SLC12A6: variants seen among roughly 807,000 people sequenced by gnomAD.
The protein encoded by SLC12A6 is solute carrier family 12 member 6, also known as K-Cl cotransporter 3.
Under a neutral mutation model 135.3 loss-of-function variants are expected in SLC12A6, and 66 were observed. The ratio of observed to expected loss-of-function variants is 0.49; its 90% CI spans 0.40 to 0.60. SLC12A6 has a LOEUF of 0.60. SLC12A6 is among the 20% of genes least tolerant of loss of function. The pLI is 0.00. For missense variants in SLC12A6, 1,058 were observed against 1,452.3 expected, an observed-to-expected ratio of 0.73 and a Z score of 4.41; for synonymous variants, 513 against 508.8, an observed-to-expected ratio of 1.01 and a Z score of -0.11.
chr15:34,254,461 G>A lies in SLC12A6; in HGVS notation c.1005C>T (p.Ile335=), dbSNP rs35855196. The A allele has an allele frequency of 1.5e-5, 25 of 1,613,768 alleles. 1 individual carries two copies. The highest frequency in any genetic ancestry group is 5.3e-5 in the African/African-American group (4 of 75,004). Residue 335 remains isoleucine, a synonymous_variant, in exon 9 of 26, where the codon ATC becomes ATT. Coordinates refer to ENST00000354181, the MANE Select transcript of SLC12A6 (RefSeq NM_001365088.1). ...CAAACTTGTTCACATAGCGTACGCCGATAAATACCACTAATACCATAAGGA... is the reference window on the plus strand; with the variant it reads ...CAAACTTGTTCACATAGCGTACGCCAATAAATACCACTAATACCATAAGGA... ...FLVLMVLVVF[I]GVRYVNKFAS... is the part of the protein sequence containing the mutation.
intron 2 of SLC12A6, among the ~76,000 whole-genome samples, chr15:34,328,015 G>A (rs115387601): frequency 0.015 from 2,265 of 151,912 alleles, 56 homozygotes; most frequent in African/African-American, 0.051. Flanking sequence ...TAGCAATGCC[G>A]TAATAAAACT....
intron 15 of SLC12A6, 93 bp downstream of exon 15, chr15:34,245,192 T>C: frequency 1.2e-6 from 1 of 811,232 alleles, no homozygotes; most frequent in South Asian, 1.4e-5. Flanking sequence ...TTTAGCCCAC[T>C]CTGTTATCAC....
chr15:34,283,395 T>C (rs1305403507), intron 2 of SLC12A6, among the ~76,000 whole-genome samples: 1 of 151,962 alleles, frequency 6.6e-6, no homozygotes, highest in Non-Finnish European at 1.5e-5. Flanking sequence ...TAATTTCAGC[T>C]TATGGTGTTA....
rs1595597824 is a variant in SLC12A6 at position 34,336,621 on chromosome 15, T to C, written c.60A>G (p.Thr20=). Residue 20 remains threonine, a synonymous_variant, in exon 2 of 26, where the codon ACA becomes ACG. Transcript: ENST00000354181. ...MASVRFMVTP[T]KIDDIPGLSD... is the part of the protein sequence containing the mutation. ...ACAAACCTGGAATGTCATCGATCTTTGTCGGTGTCACCATGAACCGAACTG... is the reference window on the plus strand; with the variant it reads ...ACAAACCTGGAATGTCATCGATCTTCGTCGGTGTCACCATGAACCGAACTG... 1.2e-6 allele frequency: 2 copies of C among 1,613,680 alleles called. No homozygotes were observed. Among genetic ancestry groups the C allele is most frequent in the Non-Finnish European group, 1.7e-6 (2 of 1,179,566 alleles).
Position 34,292,922 on chromosome 15 carries a change from G to A in SLC12A6, c.272-17533C>T, listed in dbSNP as rs559508578. Reference sequence around the variant, plus strand: ...CACTCCTCCAAGCACAGTCACTCACGGCTTCCCTTGGCTAGGAAAGGGAAA... The same window carrying A: ...CACTCCTCCAAGCACAGTCACTCACAGCTTCCCTTGGCTAGGAAAGGGAAA... On this transcript the variant is annotated intron_variant, in intron 2 of 25. Transcript: ENST00000354181. Among the ~76,000 whole-genome samples, 353 of 152,258 alleles carry A rather than the reference G, an allele frequency of 2.3e-3. 4 individuals carry two copies. The highest frequency in any genetic ancestry group is 8.0e-3 in the African/African-American group (332 of 41,558).
chr15:34,318,810 G>A (rs1489915748), intron 2 of SLC12A6: 44 of 1,542,304 alleles, frequency 2.9e-5, no homozygotes, highest in Non-Finnish European at 3.7e-5. Flanking sequence ...CTGGGATTCG[G>A]GAAGTACTTT....
intron 5 of SLC12A6, among the ~76,000 whole-genome samples, chr15:34,258,171 A>T (rs2140751307): frequency 6.6e-6 from 1 of 152,374 alleles, no homozygotes; most frequent in South Asian, 2.1e-4. Flanking sequence ...TAAATTCTTC[A>T]CAGTAGTTAG....
intron 22 of SLC12A6, chr15:34,237,215 A>G: frequency 1.9e-6 from 1 of 521,434 alleles, no homozygotes; most frequent in East Asian, 3.5e-5. Flanking sequence ...CAAGAAAGCA[A>G]AACCAAAAAA....
chr15:34,324,399 A>G (rs1388616418), intron 2 of SLC12A6, among the ~76,000 whole-genome samples: 1 of 152,224 alleles, frequency 6.6e-6, no homozygotes, highest in Non-Finnish European at 1.5e-5. Context: ...ATATTAGGCC[A>G]AATCTTACAC....
At chr15:34,274,703 C>G (rs935840471) in intron 3 of SLC12A6, among the ~76,000 whole-genome samples, 5 of 152,130 alleles carry the variant, frequency 3.3e-5, no homozygotes, top group East Asian at 1.9e-4. Flanking sequence ...GTCCCAGCTA[C>G]TTGGGAGGCT....
rs370597057 is a variant in SLC12A6, at chr15:34,283,253, GA to G, written c.272-7865del. 4.5e-4 allele frequency among the ~76,000 whole-genome samples: 69 copies of G among 152,270 alleles called. 1 individual carries two copies. The East Asian group carries it at 0.01, about 23-fold the overall frequency. On this transcript the variant is annotated intron_variant, in intron 2 of 25. Coordinates refer to ENST00000354181, the MANE Select transcript of SLC12A6 (RefSeq NM_001365088.1). ...AGCTGCTTGGGAGGCTGAGGCTAGA[GA>G]ATCACTTGAACCTAGGAGGCAGAGG...
At chr15:34,240,587 A>G in intron 19 of SLC12A6, 74 bp downstream of exon 19, 1 of 1,236,054 alleles carries the variant, frequency 8.1e-7, no homozygotes, top group African/African-American at 1.5e-5. Context: ...ATTCAAGTAG[A>G]AGTTTGAGGT....
chr15:34,238,421 A>G lies in SLC12A6; in HGVS notation c.2633-20T>C. 6.2e-7 allele frequency: 1 copy of G among 1,601,540 alleles called. No homozygotes were observed. The highest frequency in any genetic ancestry group is 1.7e-5 in the Admixed American group (1 of 59,980). On this transcript the variant is annotated intron_variant, in intron 20 of 25. Transcript: ENST00000354181. ...CTGTGCCTAGGGAGAAAAAAGAATA[A>G]GCAGAGAAGAATCCTTAGGCTTGCC...
intron 2 of SLC12A6, among the ~76,000 whole-genome samples, chr15:34,283,992 G>A (rs977586403): frequency 1.6e-4 from 25 of 152,176 alleles, no homozygotes; most frequent in African/African-American, 4.1e-4. Context: ...TGGGGCTCAG[G>A]CGATTCTCCT....
chr15:34,265,401 T>TAA (rs1566824739), intron 3 of SLC12A6, among the ~76,000 whole-genome samples: 1 of 96,380 alleles, frequency 1.0e-5, no homozygotes, highest in African/African-American at 6.2e-5. Flanking sequence ...ACAACAGCAA[T>TAA]TAAAAAAAAA....
chr15:34,248,902 A>C (rs1892191319), intron 13 of SLC12A6, among the ~76,000 whole-genome samples: 1 of 152,174 alleles, frequency 6.6e-6, no homozygotes, highest in South Asian at 2.1e-4. Context: ...TATTCTAAGC[A>C]AAGGAAATAA....
At chr15:34,278,170 T>A (rs943013739) in intron 2 of SLC12A6, among the ~76,000 whole-genome samples, 4 of 152,206 alleles carry the variant, frequency 2.6e-5, no homozygotes, top group African/African-American at 7.2e-5. Flanking sequence ...CTCACGCCTG[T>A]AATTGCAGCA....
intron 2 of SLC12A6, among the ~76,000 whole-genome samples, chr15:34,333,008 C>T (rs911414328): frequency 3.3e-5 from 5 of 151,872 alleles, no homozygotes; most frequent in Admixed American, 2.6e-4. Flanking sequence ...CCTTAGTTTC[C>T]TCATTTATTT....
At position 34,233,691 on chromosome 15, in the gene SLC12A6, C is replaced by G. The variant is rs914499094; in HGVS notation, c.*190G>C. On this transcript the variant is annotated 3_prime_UTR_variant, in exon 26 of 26. Transcript: ENST00000354181. Reference sequence around the variant, plus strand: ...GATGTTGAGGGAATATTTGCTTTTTCTGTAATGACTGCAGATCAGATGGGA... The same window carrying G: ...GATGTTGAGGGAATATTTGCTTTTTGTGTAATGACTGCAGATCAGATGGGA... 2 of 601,814 alleles carry G rather than the reference C, an allele frequency of 3.3e-6. No homozygotes were observed. Among genetic ancestry groups the G allele is most frequent in the Non-Finnish European group, 6.0e-6 (2 of 331,422 alleles). 37.3% of individuals were successfully genotyped at this position (601,814 alleles called of 1,614,324 possible).
Sources: gnomAD v4.1 joint callset for allele counts (sites outside exome capture counted in the v4.1 genomes callset) on GRCh38, gnomAD v4.1.1 for gene constraint, MANE v1.5 for transcripts, NCBI Gene and HGNC (gene_info 2026-07-23, HGNC 2026-07-21) for gene names.